Variants in VWA8 observed in about 807,000 individuals in gnomAD.
VWA8 encodes the protein von Willebrand factor A domain containing 8, also known as von Willebrand factor A domain-containing protein 8.
In VWA8, 221 loss-of-function variants were observed where a neutral mutation model predicts 241.5. The observed-to-expected ratio is 0.91, with a 90% CI of 0.82 to 1.02. VWA8 has a LOEUF of 1.02. Among genes scored for constraint, VWA8 ranks in the 50% least tolerant of loss-of-function variants. VWA8 has a pLI of 0.00. For missense variants in VWA8, 2,322 were observed against 2,328.7 expected (o/e 1.00, Z 0.06); for synonymous variants, 852 against 827.1 (o/e 1.03, Z -0.52).
intron 21 of VWA8, among the ~76,000 whole-genome samples, chr13:41,733,992 C>A (rs2045505480): frequency 6.6e-6 from 1 of 152,198 alleles, no homozygotes; most frequent in South Asian, 2.1e-4. Context: ...GAATCTGGAA[C>A]CTACTCTAGT....
intron 41 of VWA8, among the ~76,000 whole-genome samples, chr13:41,589,513 G>A (rs972566717): frequency 6.6e-6 from 1 of 152,082 alleles, no homozygotes; most frequent in Admixed American, 6.6e-5. Flanking sequence ...CTCAGAAATC[G>A]ATACCCTCTA....
At position 41,689,456 on chromosome 13, in the gene VWA8, T is replaced by C. The variant is rs2045160706; in HGVS notation, c.4029A>G (p.Glu1343=). 1.2e-6 allele frequency: 2 copies of C among 1,611,914 alleles called. No individual in the cohort carries two copies. The highest frequency in any genetic ancestry group is 1.3e-5 in the African/African-American group (1 of 74,954). ...HKISSDQLSS[E]HLSSAVEQKI... is the part of the protein sequence containing the mutation. The stretch of plus-strand genomic sequence containing the variant: ...TTTGTTCCACAGCTGAACTTAGATG[T>C]TCAGATGATAGTTGATCACTGGAAA... The change falls in exon 34 of 45, where the codon GAA becomes GAG. Residue 1343 remains glutamate (E), a synonymous_variant. Transcript: ENST00000379310.
chr13:41,864,989 C>CAAAAAAAAAAAAA (rs35515775), intron 12 of VWA8, among the ~76,000 whole-genome samples: 1 of 75,106 alleles, frequency 1.3e-5, no homozygotes, highest in African/African-American at 5.8e-5. Context: ...AACTCCATCT[C>CAAAAAAAAAAAAA]AAAAAAAAAA....
At chr13:41,859,108 A>C (rs79013711) in intron 12 of VWA8, among the ~76,000 whole-genome samples, 19 of 142,380 alleles carry the variant, frequency 1.3e-4, no homozygotes, top group African/African-American at 3.6e-4. Flanking sequence ...AGTCAGCGTC[A>C]AAAAAAAAAA....
intron 39 of VWA8, among the ~76,000 whole-genome samples, chr13:41,606,961 G>C (rs2044557360): frequency 6.6e-6 from 1 of 152,140 alleles, no homozygotes; most frequent in African/African-American, 2.4e-5. Context: ...TGCTTTAATA[G>C]ATAGGCCTGT....
At chr13:41,949,865 A>T in intron 2 of VWA8, 71 bp downstream of exon 2, 2 of 951,614 alleles carry the variant, frequency 2.1e-6, no homozygotes, top group South Asian at 1.7e-5. Flanking sequence ...CTCTAGCTTT[A>T]AATAACTTTG....
chr13:41,762,908 G>C (rs967630777), intron 20 of VWA8, among the ~76,000 whole-genome samples: 1 of 152,058 alleles, frequency 6.6e-6, no homozygotes, highest in African/African-American at 2.4e-5. Flanking sequence ...ACTGGAAAAG[G>C]AGTGAGGATT....
intron 21 of VWA8, among the ~76,000 whole-genome samples, chr13:41,735,002 G>T (rs982912687): frequency 6.6e-6 from 1 of 152,132 alleles, no homozygotes; most frequent in African/African-American, 2.4e-5. Flanking sequence ...CAGGGCATAT[G>T]TTATTTTTTT....
intron 33 of VWA8, 28 bp downstream of exon 33, chr13:41,690,138 C>T (rs765949649): frequency 1.5e-5 from 23 of 1,585,616 alleles, no homozygotes; most frequent in Non-Finnish European, 1.8e-5. Flanking sequence ...ACTCACACAG[C>T]CATAAACACA....
chr13:41,701,831 C>T (rs1195358561), intron 27 of VWA8, among the ~76,000 whole-genome samples: 5 of 152,170 alleles, frequency 3.3e-5, no homozygotes, highest in African/African-American at 1.2e-4. Context: ...AAGGCGAGAG[C>T]CAGTTTTGAA....
At chr13:41,751,673 A>G (rs1206033527) in intron 21 of VWA8, among the ~76,000 whole-genome samples, 1 of 152,142 alleles carries the variant, frequency 6.6e-6, no homozygotes. Context: ...ATTTGATTTA[A>G]GAGGGCAGAA....
In VWA8 at chr13:41,691,329, T is replaced by C; in HGVS notation, c.3857A>G (p.Lys1286Arg). Residue 1286 changes from lysine (K) to arginine (R), a missense_variant, in exon 32 of 45, where the codon AAA becomes AGA. Lys to Arg is a conservative substitution (Grantham distance 26). Transcript: ENST00000379310. The part of the protein sequence containing the change: ...AEDKWLLVES[K>R]TNQKYLLTKP... ...ATATAAAGCCACTCACTGATTTGTT[T>C]TGCTCTCCACCAGAAGCCATTTGTC... 6.2e-7 allele frequency: 1 copy of C among 1,612,218 alleles called. No homozygotes were observed. Among genetic ancestry groups the C allele is most frequent in the Admixed American group, 1.7e-5 (1 of 59,932 alleles).
intron 21 of VWA8, among the ~76,000 whole-genome samples, chr13:41,737,809 C>A (rs2045537308): frequency 6.6e-6 from 1 of 151,902 alleles, no homozygotes; most frequent in East Asian, 1.9e-4. Context: ...TTGGACTATA[C>A]ATTTTTTTTC....
intron 37 of VWA8, among the ~76,000 whole-genome samples, chr13:41,642,165 C>T (rs1268448243): frequency 6.6e-6 from 1 of 152,138 alleles, no homozygotes; most frequent in Non-Finnish European, 1.5e-5. Context: ...TTCTTGGCAG[C>T]AATCACCAAG....
At chr13:41,683,438 T>C (rs999022442) in intron 35 of VWA8, among the ~76,000 whole-genome samples, 5 of 152,142 alleles carry the variant, frequency 3.3e-5, no homozygotes, top group African/African-American at 1.2e-4. Flanking sequence ...TGATAAGTTG[T>C]AGGTAAGTGC....
intron 42 of VWA8, among the ~76,000 whole-genome samples, chr13:41,586,489 CCTT>C (rs1482605855): frequency 2.0e-5 from 3 of 152,124 alleles, no homozygotes; most frequent in Non-Finnish European, 4.4e-5. Context: ...CTGAAGCTGC[CCTT>C]CTTCTTCCAC....
chr13:41,871,123 C>G (rs976656646), intron 9 of VWA8, among the ~76,000 whole-genome samples: 1 of 152,020 alleles, frequency 6.6e-6, no homozygotes, highest in Admixed American at 6.6e-5. Context: ...AAACTATAAC[C>G]CAAATGCAAC....
intron 21 of VWA8, among the ~76,000 whole-genome samples, chr13:41,754,376 G>T (rs1418243980): frequency 3.3e-5 from 5 of 152,076 alleles, no homozygotes. Flanking sequence ...TGATTGTGAG[G>T]CCTCTCCAGC....
At chr13:41,808,912 T>A (rs1272171145) in intron 17 of VWA8, among the ~76,000 whole-genome samples, 1 of 150,724 alleles carries the variant, frequency 6.6e-6, no homozygotes, top group Admixed American at 6.6e-5. Flanking sequence ...TCATTAAAGT[T>A]GCAGGACACA....
Sources: gnomAD v4.1 joint callset for allele counts (sites outside exome capture counted in the v4.1 genomes callset) on GRCh38, gnomAD v4.1.1 for gene constraint, MANE v1.5 for transcripts, NCBI Gene and HGNC (gene_info 2026-07-23, HGNC 2026-07-21) for gene names.